ZNF536: variants seen among roughly 807,000 people sequenced by gnomAD.
ZNF536 encodes zinc finger protein 536.
Under a neutral mutation model 84.5 loss-of-function variants are expected in ZNF536, and 13 were observed. The ratio of observed to expected loss-of-function variants is 0.15; its 90% CI spans 0.10 to 0.24. ZNF536 has a LOEUF of 0.24. ZNF536 is among the 10% of genes least tolerant of loss of function. The probability of loss-of-function intolerance (pLI) is 1.00; values close to 1 mark genes in which losing one functional copy is unlikely to be tolerated. For synonymous variants in ZNF536, 811 were observed against 742.5 expected (o/e 1.09, Z -1.50); for missense variants, 1,536 against 1,747.5 (o/e 0.88, Z 2.16).
At chr19:30,563,274 TC>T (rs2046235966) in intron 1 of ZNF536, among the ~76,000 whole-genome samples, 1 of 152,162 alleles carries the variant, frequency 6.6e-6, no homozygotes, top group South Asian at 2.1e-4. Flanking sequence ...ATTCTTCCCA[TC>T]CCTGGGGTGA....
At chr19:30,287,752 GGATGGATGGATT>G (rs2045698910) in intron 2 of ZNF536, among the ~76,000 whole-genome samples, 2 of 150,754 alleles carry the variant, frequency 1.3e-5, no homozygotes. Context: ...GTGGGTGGAT[GGATGGATGGATT>G]GATGGATGGG....
intron 1 of ZNF536, among the ~76,000 whole-genome samples, chr19:30,699,904 C>T (rs1248646199): frequency 6.6e-6 from 1 of 152,242 alleles, no homozygotes; most frequent in Non-Finnish European, 1.5e-5. Context: ...ACCACCATAC[C>T]CAGTGGATTC....
chr19:30,658,221 C>G (rs2049990334), intron 1 of ZNF536, among the ~76,000 whole-genome samples: 1 of 152,096 alleles, frequency 6.6e-6, no homozygotes, highest in South Asian at 2.1e-4. Context: ...AGGGATTCAT[C>G]ATATTGGCCA....
At chr19:30,551,834 G>C (rs35321182) in intron 4 of ZNF536, among the ~76,000 whole-genome samples, 7 of 152,140 alleles carry the variant, frequency 4.6e-5, no homozygotes, top group African/African-American at 1.4e-4. Context: ...CATTTGCTTG[G>C]GGGTGGGGCC....
At chr19:30,677,511 G>A (rs185056157) in intron 1 of ZNF536, among the ~76,000 whole-genome samples, 1 of 152,312 alleles carries the variant, frequency 6.6e-6, no homozygotes, top group East Asian at 1.9e-4. Flanking sequence ...GTGCCTTGGC[G>A]AGGACATTCA....
chr19:30,505,867 C>T (rs942163829), intron 2 of ZNF536, among the ~76,000 whole-genome samples: 4 of 152,004 alleles, frequency 2.6e-5, no homozygotes, highest in East Asian at 3.9e-4. Context: ...GGTTTTGCCA[C>T]GTTGGTCAGG....
intron 2 of ZNF536, among the ~76,000 whole-genome samples, chr19:30,450,288 G>T (rs890827106): frequency 6.6e-6 from 1 of 152,102 alleles, no homozygotes; most frequent in Non-Finnish European, 1.5e-5. Context: ...ACTTTATACC[G>T]GAGCTCGGGG....
At chr19:30,472,550 C>A (rs2053680899) in intron 2 of ZNF536, among the ~76,000 whole-genome samples, 1 of 152,102 alleles carries the variant, frequency 6.6e-6, no homozygotes, top group Non-Finnish European at 1.5e-5. Flanking sequence ...ATGGAGGAGT[C>A]CCTTGTGTGA....
chr19:30,373,230 A>G (rs1220341320), intron 1 of ZNF536, among the ~76,000 whole-genome samples: 1 of 151,964 alleles, frequency 6.6e-6, no homozygotes, highest in African/African-American at 2.4e-5. Flanking sequence ...AGTAGAACGG[A>G]ACTCTTCCCC....
chr19:30,598,650 C>A (rs1747277249), intron 1 of ZNF536, among the ~76,000 whole-genome samples: 1 of 152,086 alleles, frequency 6.6e-6, no homozygotes, highest in African/African-American at 2.4e-5. Context: ...GTTCACTCTA[C>A]CATGTTTTGA....
rs375517415 is a variant in ZNF536 at position 30,548,786 on chromosome 19, C to T, written c.3167C>T (p.Ser1056Leu). Residue 1056 changes from serine (S) to leucine (L), a missense_variant, in exon 4 of 5, where the codon TCG becomes TTG. Transcript: ENST00000355537. ...GCGAGTAAGATGGCCCTGCTGCCCT[C>T]GTTACAATCAAACAAAGACCTGGGC... ...REASKMALLP[S>L]LQSNKDLGLS... is the part of the protein sequence containing the mutation. 8.7e-6 allele frequency: 14 copies of T among 1,613,860 alleles called. No individual in the cohort carries two copies. Among genetic ancestry groups the T allele is most frequent in the East Asian group, 4.5e-5 (2 of 44,852 alleles).
intron 1 of ZNF536, among the ~76,000 whole-genome samples, chr19:30,241,374 CAT>C (rs765345915): frequency 3.3e-5 from 5 of 152,130 alleles, no homozygotes; most frequent in Non-Finnish European, 5.9e-5. Flanking sequence ...CAGATGGTGA[CAT>C]GTGTTATGGA....
chr19:30,378,149 C>A (rs2048887602), intron 1 of ZNF536, among the ~76,000 whole-genome samples: 1 of 152,084 alleles, frequency 6.6e-6, no homozygotes, highest in Non-Finnish European at 1.5e-5. Flanking sequence ...GATGCCCTAA[C>A]CAAGTTTGGG....
chr19:30,620,415 G>A (rs2048442585), intron 1 of ZNF536, among the ~76,000 whole-genome samples: 1 of 152,076 alleles, frequency 6.6e-6, no homozygotes, highest in Non-Finnish European at 1.5e-5. Flanking sequence ...TTTGGGTCAA[G>A]ATCAAATAAA....
chr19:30,445,632 C>A lies in ZNF536; in HGVS notation c.2070C>A (p.Gly690=), dbSNP rs2148232372. 6.2e-7 allele frequency: 1 copy of A among 1,612,804 alleles called. No homozygotes were observed. The highest frequency in any genetic ancestry group is 1.3e-5 in the African/African-American group (1 of 75,050). The change falls in exon 2 of 5, where the codon GGC becomes GGA. Residue 690 remains glycine, a synonymous_variant. Transcript: ENST00000355537. The surrounding 1 kb of genome is among the most constrained non-coding windows in gnomAD (Gnocchi z 4.5). ...CGGTGAGCCGCTCCACCACGCCGGGCTCCTCTAACGTCACCGAGGAGAGCG... is the reference window on the plus strand; with the variant it reads ...CGGTGAGCCGCTCCACCACGCCGGGATCCTCTAACGTCACCGAGGAGAGCG... The part of the protein sequence containing the change: ...SQSVSRSTTP[G]SSNVTEESGV...
At chr19:30,603,405 T>C (rs2047761855) in intron 1 of ZNF536, among the ~76,000 whole-genome samples, 1 of 152,222 alleles carries the variant, frequency 6.6e-6, no homozygotes, top group Non-Finnish European at 1.5e-5. Flanking sequence ...CCGATGGAGA[T>C]AGCACAGATG....
chr19:30,551,768 T>G (rs996606949), intron 4 of ZNF536, among the ~76,000 whole-genome samples: 38 of 152,362 alleles, frequency 2.5e-4, no homozygotes, highest in African/African-American at 8.2e-4. Flanking sequence ...CCATTTCTTC[T>G]GTGTCCTCTT....
At chr19:30,434,985 G>T (rs927417452) in intron 1 of ZNF536, among the ~76,000 whole-genome samples, 1 of 150,608 alleles carries the variant, frequency 6.6e-6, no homozygotes, top group Admixed American at 6.6e-5. Flanking sequence ...GATGATCGTG[G>T]TGATGATGGT....
intron 1 of ZNF536, among the ~76,000 whole-genome samples, chr19:30,655,434 A>T (rs1294311511): frequency 6.6e-6 from 1 of 152,214 alleles, no homozygotes; most frequent in African/African-American, 2.4e-5. Context: ...AGAACCCAGC[A>T]TGCTGATTGG....
Sources: allele counts gnomAD v4.1 joint callset (sites outside exome capture counted in the v4.1 genomes callset), GRCh38; gene constraint gnomAD v4.1.1; non-coding constraint Gnocchi (gnomAD v3.1); transcripts MANE v1.5; gene names NCBI Gene and HGNC (gene_info 2026-07-23, HGNC 2026-07-21).